The following IYD variants were observed in gnomAD, a reference collection of about 807,000 sequenced individuals.
IYD encodes the protein iodotyrosine deiodinase 1.
IYD carries 25 observed loss-of-function variants against 28.4 expected under a neutral mutation model. The ratio of observed to expected loss-of-function variants is 0.88; its 90% confidence interval spans 0.64 to 1.23. IYD has a LOEUF of 1.23. Ranked by LOEUF, IYD falls within the 50% of genes most tolerant of loss-of-function variation. IYD has a pLI of 0.00. For missense variants in IYD, 352 were observed against 357.9 expected (o/e 0.98, Z 0.13); for synonymous variants, 140 against 130.8 (o/e 1.07, Z -0.48).
chr6:150,387,157 A>G (rs1435833457), intron 1 of IYD, among the ~76,000 whole-genome samples: 3 of 152,164 alleles, frequency 2.0e-5, no homozygotes, highest in Non-Finnish European at 4.4e-5. Flanking sequence ...TAGTTTTGCA[A>G]CTAACGCAGC....
At chr6:150,379,370 C>T (rs749992099) in intron 1 of IYD, among the ~76,000 whole-genome samples, 5 of 152,184 alleles carry the variant, frequency 3.3e-5, no homozygotes, top group East Asian at 1.9e-4. Context: ...TATGGATCTG[C>T]GTTTTTCACA....
chr6:150,390,240 G>A (rs1004879222), intron 2 of IYD, among the ~76,000 whole-genome samples: 2 of 152,130 alleles, frequency 1.3e-5, no homozygotes, highest in Admixed American at 6.6e-5. Context: ...AATGTGAAAG[G>A]AAGCAAGAAT....
chr6:150,390,893 C>T (rs1778092206), intron 2 of IYD, among the ~76,000 whole-genome samples: 2 of 152,096 alleles, frequency 1.3e-5, no homozygotes, highest in Admixed American at 1.3e-4. Context: ...CCGAAGTCCC[C>T]CCGGGAGTAG....
chr6:150,388,817 T>C (rs1777999602), intron 1 of IYD, among the ~76,000 whole-genome samples: 1 of 150,664 alleles, frequency 6.6e-6, no homozygotes. Flanking sequence ...TTCTCATGCC[T>C]CAGCCTCCCA....
chr6:150,394,147 C>T lies in IYD; in HGVS notation c.579C>T (p.Leu193=), dbSNP rs1247267916. 1 of 1,614,126 alleles carries T rather than the reference C, an allele frequency of 6.2e-7. No homozygotes were observed. Among genetic ancestry groups the T allele is most frequent in the South Asian group, 1.1e-5 (1 of 91,074 alleles). Residue 193 remains leucine, a synonymous_variant, in exon 4 of 5, where the codon CTC becomes CTT. Transcript: ENST00000344419. ...EYLDTAPILI[L]IFKQVHGFAA... is the part of the protein sequence containing the mutation. ...TGGATACTGCCCCTATTTTGATTCT[C>T]ATTTTCAAACAAGTACATGGTTTCG...
chr6:150,395,472 C>CA, intron 4 of IYD: 1 of 1,537,018 alleles, frequency 6.5e-7, no homozygotes, highest in Non-Finnish European at 8.7e-7. Flanking sequence ...ATGGAATCAC[C>CA]ATGCGGCATC....
rs572769458 is a variant in IYD at position 150,391,245 on chromosome 6, A to G, written c.371-1100A>G. On this transcript the variant is annotated intron_variant, in intron 2 of 4. Coordinates refer to ENST00000344419, the MANE Select transcript of IYD (RefSeq NM_203395.3). Reference sequence around the variant, plus strand: ...AGTGAGACGCCATCAAAAAAAAAAAAAAAAAAAGAATTCCCCAACTGTTGT... The same window carrying G: ...AGTGAGACGCCATCAAAAAAAAAAAGAAAAAAAGAATTCCCCAACTGTTGT... Among the ~76,000 whole-genome samples, 3 of 152,022 alleles carry G rather than the reference A, an allele frequency of 2.0e-5. No homozygotes were observed. In the East Asian group the frequency reaches 5.8e-4, roughly 29 times the overall value.
chr6:150,386,726 A>G (rs1777877678), intron 1 of IYD, among the ~76,000 whole-genome samples: 1 of 152,152 alleles, frequency 6.6e-6, no homozygotes, highest in South Asian at 2.1e-4. Context: ...ATGTTTTCCC[A>G]GTAAATTAAA....
At chr6:150,385,477 A>G (rs9384474) in intron 1 of IYD, among the ~76,000 whole-genome samples, 7,072 of 130,816 alleles carry the variant, frequency 0.054, 410 homozygotes, top group East Asian at 0.31. Flanking sequence ...TACGTTCTTC[A>G]GCTTTTTAAT....
chr6:150,393,358 G>C (rs1342596746), intron 3 of IYD, among the ~76,000 whole-genome samples: 1 of 152,196 alleles, frequency 6.6e-6, no homozygotes, highest in Non-Finnish European at 1.5e-5. Context: ...GACTAAGCTG[G>C]TTGAAGTATG....
chr6:150,383,861 A>T (rs973270567), intron 1 of IYD, among the ~76,000 whole-genome samples: 3 of 152,038 alleles, frequency 2.0e-5, no homozygotes, highest in African/African-American at 7.2e-5. Flanking sequence ...CTCCCAAAAA[A>T]AACCCTTGAA....
chr6:150,394,274 G>C lies in IYD; in HGVS notation c.687+19G>C. 6.2e-7 allele frequency: 1 copy of C among 1,613,832 alleles called. No individual in the cohort carries two copies. The highest frequency in any genetic ancestry group is 8.5e-7 in the Non-Finnish European group (1 of 1,179,760). ...CCTGCAGGTATGTTGAGACATCAAG[G>C]GTTACAGGGTGGCCTTATTAGAACA... On this transcript the variant is annotated intron_variant, in intron 4 of 4. Coordinates refer to ENST00000344419, the MANE Select transcript of IYD (RefSeq NM_203395.3).
chr6:150,385,640 A>C (rs1777835307), intron 1 of IYD, among the ~76,000 whole-genome samples: 1 of 151,938 alleles, frequency 6.6e-6, no homozygotes, highest in Non-Finnish European at 1.5e-5. Context: ...TTTGTGAGGA[A>C]GTTGAGCCTG....
chr6:150,396,607 G>T (rs1038787447), intron 4 of IYD: 4 of 568,134 alleles, frequency 7.0e-6, no homozygotes, highest in Admixed American at 5.9e-5. Flanking sequence ...AGGTGCGGTG[G>T]CTCACGCCTC....
intron 3 of IYD, among the ~76,000 whole-genome samples, chr6:150,392,944 C>A (rs1778178156): frequency 6.6e-6 from 1 of 152,068 alleles, no homozygotes; most frequent in Non-Finnish European, 1.5e-5. Context: ...GAGGGGAATT[C>A]AGTGTAAGTA....
intron 1 of IYD, among the ~76,000 whole-genome samples, chr6:150,379,763 G>A (rs1048934145): frequency 1.3e-5 from 2 of 152,092 alleles, no homozygotes; most frequent in Non-Finnish European, 2.9e-5. Flanking sequence ...TTTGTTCTCA[G>A]GTCCCATTCA....
chr6:150,379,247 C>T (rs778091288), intron 1 of IYD, among the ~76,000 whole-genome samples: 9 of 152,260 alleles, frequency 5.9e-5, no homozygotes, highest in Non-Finnish European at 1.2e-4. Context: ...GCCAGTCTTT[C>T]GATTTCTATT....
At position 150,404,472 on chromosome 6, in the gene IYD, A is replaced by G. The variant is rs986999739; in HGVS notation, c.*6235A>G. ...TATAAGTTTAATGTATTAGATTTAC[A>G]AGAGATGCTTAAATATATGAGAATG... On this transcript the variant is annotated 3_prime_UTR_variant, in exon 5 of 5. Transcript: ENST00000344419. 2 of 152,250 alleles carry G rather than the reference A, an allele frequency of 1.3e-5. No individual in the cohort carries two copies. The highest frequency in any genetic ancestry group is 4.8e-5 in the African/African-American group (2 of 41,470). 9.4% of individuals were successfully genotyped at this position (152,250 alleles called of 1,614,324 possible). A position where few individuals can be genotyped will look rare whatever the true frequency, so the allele number is the denominator to read the frequency against.
chr6:150,370,116 C>G (rs1777166878), intron 1 of IYD: 3 of 689,920 alleles, frequency 4.3e-6, no homozygotes, highest in Non-Finnish European at 7.9e-6. Flanking sequence ...TTCAGCTGGG[C>G]TAATGATGCC....
Sources: allele counts gnomAD v4.1 joint callset (sites outside exome capture counted in the v4.1 genomes callset), GRCh38; gene constraint gnomAD v4.1.1; transcripts MANE v1.5; gene names NCBI Gene and HGNC (gene_info 2026-07-23, HGNC 2026-07-21).